Variants in NKAIN2 observed in about 807,000 individuals in gnomAD.
NKAIN2 encodes sodium/potassium-transporting ATPase subunit beta-1-interacting protein 2.
Under a neutral mutation model 32.6 loss-of-function variants are expected in NKAIN2, and 14 were observed. The observed-to-expected ratio is 0.43, with a 90% CI of 0.28 to 0.67. The LOEUF is 0.67. Ranked by LOEUF, NKAIN2 falls within the 30% of genes least tolerant of loss-of-function variation. NKAIN2 has a pLI of 0.17. For missense variants in NKAIN2, 198 were observed against 258.3 expected (o/e 0.77, Z 1.60); for synonymous variants, 80 against 87.2 (o/e 0.92, Z 0.46).
intron 4 of NKAIN2, among the ~76,000 whole-genome samples, chr6:124,670,410 A>G (rs1773038767): frequency 6.6e-6 from 1 of 152,088 alleles, no homozygotes; most frequent in South Asian, 2.1e-4. Flanking sequence ...AAAAGTATAG[A>G]ATAATATTAA....
At chr6:124,062,113 G>A (rs186251266) in intron 1 of NKAIN2, among the ~76,000 whole-genome samples, 29 of 152,150 alleles carry the variant, frequency 1.9e-4, no homozygotes, top group Admixed American at 2.6e-4. Context: ...ACAATGATAC[G>A]TAAATATAAA....
intron 1 of NKAIN2, among the ~76,000 whole-genome samples, chr6:124,170,738 A>T (rs1042642384): frequency 7.9e-5 from 12 of 152,190 alleles, no homozygotes; most frequent in Admixed American, 2.0e-4. Context: ...TAGCAAAGAT[A>T]GTAATATGTG....
intron 3 of NKAIN2, among the ~76,000 whole-genome samples, chr6:124,477,210 A>C (rs1777254305): frequency 6.6e-6 from 1 of 152,204 alleles, no homozygotes; most frequent in Non-Finnish European, 1.5e-5. Context: ...CATAAGTCTT[A>C]GTCCACAAAC....
intron 2 of NKAIN2, among the ~76,000 whole-genome samples, chr6:124,322,904 C>G (rs557918791): frequency 2.0e-5 from 3 of 152,240 alleles, no homozygotes; most frequent in East Asian, 3.9e-4. Flanking sequence ...AATGAGAGAG[C>G]CAGTTTCTCC....
chr6:124,732,637 A>T (rs1776739453), intron 4 of NKAIN2, among the ~76,000 whole-genome samples: 1 of 152,056 alleles, frequency 6.6e-6, no homozygotes, highest in African/African-American at 2.4e-5. Flanking sequence ...AGAACTGGTG[A>T]AATCTGAATA....
intron 3 of NKAIN2, among the ~76,000 whole-genome samples, chr6:124,526,000 A>G (rs187705081): frequency 1.3e-5 from 2 of 152,228 alleles, no homozygotes; most frequent in Non-Finnish European, 2.9e-5. Flanking sequence ...GTAGTTAAAA[A>G]ATGTATATTG....
chr6:124,189,284 C>A (rs891131546), intron 1 of NKAIN2, among the ~76,000 whole-genome samples: 1 of 151,974 alleles, frequency 6.6e-6, no homozygotes, highest in Non-Finnish European at 1.5e-5. Flanking sequence ...TTAACCAGCA[C>A]AATTTAAAAT....
chr6:124,230,141 C>A (rs1190437449), intron 1 of NKAIN2, among the ~76,000 whole-genome samples: 2 of 152,038 alleles, frequency 1.3e-5, no homozygotes, highest in Non-Finnish European at 2.9e-5. Flanking sequence ...GATGGGGAAA[C>A]TTGTTGAGAG....
At chr6:124,102,750 A>G (rs899348025) in intron 1 of NKAIN2, among the ~76,000 whole-genome samples, 16 of 152,280 alleles carry the variant, frequency 1.1e-4, no homozygotes, top group Non-Finnish European at 1.8e-4. Flanking sequence ...AAATTTTGTA[A>G]TGCAGCTAGA....
chr6:124,282,415 G>A (rs1012243659), intron 1 of NKAIN2, among the ~76,000 whole-genome samples: 3 of 151,932 alleles, frequency 2.0e-5, no homozygotes, highest in African/African-American at 7.3e-5. Flanking sequence ...GAACTAGAAG[G>A]ACCCTACACA....
intron 3 of NKAIN2, among the ~76,000 whole-genome samples, chr6:124,489,055 A>G (rs1191629172): frequency 6.6e-6 from 1 of 151,996 alleles, no homozygotes; most frequent in Non-Finnish European, 1.5e-5. Context: ...TTAGAGCTAC[A>G]GTGTATTCCA....
chr6:124,629,137 C>A (rs1257401996), intron 3 of NKAIN2, among the ~76,000 whole-genome samples: 1 of 152,064 alleles, frequency 6.6e-6, no homozygotes, highest in Non-Finnish European at 1.5e-5. Context: ...AATGGAAATT[C>A]TTTCTCATCT....
chr6:124,367,881 T>C (rs911961), intron 3 of NKAIN2, among the ~76,000 whole-genome samples: 129,605 of 151,850 alleles, frequency 0.85, 55,549 homozygotes, highest in African/African-American at 0.93. Context: ...ATAATTCTTA[T>C]GTGGACCAAT....
chr6:124,139,177 T>C (rs888447472), intron 1 of NKAIN2, among the ~76,000 whole-genome samples: 5 of 135,828 alleles, frequency 3.7e-5, no homozygotes, highest in South Asian at 2.4e-4. Context: ...CAAGCTCCGC[T>C]TCCCGGGTTC....
intron 3 of NKAIN2, among the ~76,000 whole-genome samples, chr6:124,486,564 C>T (rs760639352): frequency 1.3e-5 from 2 of 152,116 alleles, no homozygotes; most frequent in African/African-American, 2.4e-5. Context: ...ATATGAGCTA[C>T]AAATATGTAG....
At position 124,290,551 on chromosome 6, in the gene NKAIN2, T is replaced by C. The variant is rs200759618; in HGVS notation, c.192+7409T>C. Among the ~76,000 whole-genome samples, 58 of 137,738 alleles carry C rather than the reference T, an allele frequency of 4.2e-4. No individual in the cohort carries two copies. In the East Asian group the frequency reaches 5.6e-3, roughly 13 times the overall value. 90.4% of individuals were successfully genotyped at this position (137,738 alleles called of 152,430 possible). ...GTGTGTGTGTGTGTGTGTGTGTGTG[T>C]GCGTCTGTGTTGCTAATTGTTGATT... On this transcript the variant is annotated intron_variant, in intron 2 of 6. Coordinates refer to ENST00000368417, the MANE Select transcript of NKAIN2 (RefSeq NM_001040214.3).
At chr6:124,245,827 G>A (rs1166769066) in intron 1 of NKAIN2, among the ~76,000 whole-genome samples, 8 of 151,998 alleles carry the variant, frequency 5.3e-5, no homozygotes, top group Non-Finnish European at 1.0e-4. Flanking sequence ...TGTGAAAGGG[G>A]CATATTAAGA....
intron 3 of NKAIN2, among the ~76,000 whole-genome samples, chr6:124,357,569 C>T (rs1334129872): frequency 6.6e-6 from 1 of 151,652 alleles, no homozygotes; most frequent in Non-Finnish European, 1.5e-5. Flanking sequence ...ATGAATGGAT[C>T]AGTTAGTTTG....
intron 3 of NKAIN2, among the ~76,000 whole-genome samples, chr6:124,513,188 C>G (rs1352831611): frequency 6.6e-6 from 1 of 152,110 alleles, no homozygotes; most frequent in African/African-American, 2.4e-5. Flanking sequence ...TGAAAAGTTT[C>G]TAATACGTGA....
Sources: gnomAD v4.1 joint callset for allele counts (sites outside exome capture counted in the v4.1 genomes callset) on GRCh38, gnomAD v4.1.1 for gene constraint, MANE v1.5 for transcripts, NCBI Gene and HGNC (gene_info 2026-07-23, HGNC 2026-07-21) for gene names.